HTR1F: variants seen among roughly 807,000 people sequenced by gnomAD.
The protein encoded by HTR1F is 5-hydroxytryptamine receptor 1F.
Under a neutral mutation model 24.0 loss-of-function variants are expected in HTR1F, and 17 were observed. The observed-to-expected ratio is 0.71, with a 90% CI of 0.48 to 1.06. HTR1F has a LOEUF of 1.06. Ranked by LOEUF, HTR1F falls within the 50% of genes least tolerant of loss-of-function variation. The probability of loss-of-function intolerance (pLI) is 0.00; values close to 1 mark genes in which losing one functional copy is unlikely to be tolerated. For missense variants in HTR1F, 391 were observed against 427.8 expected (o/e 0.91, Z 0.76); for synonymous variants, 186 against 156.8 (o/e 1.19, Z -1.39).
chr3:87,866,673 A>C (rs1223948141), intron 2 of HTR1F, among the ~76,000 whole-genome samples: 1 of 152,034 alleles, frequency 6.6e-6, no homozygotes, highest in Non-Finnish European at 1.5e-5. Context: ...AAACTGAAAG[A>C]CTTCAAGTGC....
chr3:87,901,863 C>G (rs772706610), intron 2 of HTR1F, among the ~76,000 whole-genome samples: 3 of 151,906 alleles, frequency 2.0e-5, no homozygotes, highest in Non-Finnish European at 4.4e-5. Context: ...CAAAAATATC[C>G]AATGCTTAGG....
intron 2 of HTR1F, among the ~76,000 whole-genome samples, chr3:87,949,304 C>A (rs1704783211): frequency 6.6e-6 from 1 of 152,196 alleles, no homozygotes; most frequent in Non-Finnish European, 1.5e-5. Context: ...ACTTCTACTT[C>A]TGGCAGCTCA....
intron 2 of HTR1F, among the ~76,000 whole-genome samples, chr3:87,940,112 T>C (rs1048542042): frequency 1.6e-4 from 24 of 152,208 alleles, no homozygotes; most frequent in Non-Finnish European, 4.4e-5. Flanking sequence ...TGCCTTAATT[T>C]TGTTATTTAC....
intron 2 of HTR1F, among the ~76,000 whole-genome samples, chr3:87,978,890 GAGGAAGGA>G (rs1184108024): frequency 0.036 from 1,674 of 45,948 alleles, 49 homozygotes; most frequent in South Asian, 0.068. Flanking sequence ...GGGAGGGAGG[GAGGAAGGA>G]AGGAAGGAAG....
intron 2 of HTR1F, among the ~76,000 whole-genome samples, chr3:87,917,734 A>G (rs778331617): frequency 1.5e-5 from 2 of 137,828 alleles, no homozygotes; most frequent in Non-Finnish European, 3.1e-5. Flanking sequence ...AATTAACAAC[A>G]ATAAAAAAAA....
chr3:87,953,277 T>C (rs1242707329), intron 2 of HTR1F, among the ~76,000 whole-genome samples: 8 of 151,396 alleles, frequency 5.3e-5, no homozygotes, highest in Non-Finnish European at 3.0e-5. Context: ...ACCTGTTGAA[T>C]GGGAGAAAAT....
chr3:87,954,464 A>G (rs1704902104), intron 2 of HTR1F, among the ~76,000 whole-genome samples: 1 of 151,762 alleles, frequency 6.6e-6, no homozygotes, highest in South Asian at 2.1e-4. Flanking sequence ...TAACTTTTAG[A>G]TTAAACCTGT....
intron 2 of HTR1F, among the ~76,000 whole-genome samples, chr3:87,942,277 G>A (rs1371735871): frequency 1.3e-5 from 2 of 152,156 alleles, no homozygotes; most frequent in South Asian, 2.1e-4. Flanking sequence ...GTGGCTGGGG[G>A]AAGTATCTAG....
At chr3:87,893,075 T>C (rs1706120259) in intron 2 of HTR1F, among the ~76,000 whole-genome samples, 1 of 152,094 alleles carries the variant, frequency 6.6e-6, no homozygotes, top group Non-Finnish European at 1.5e-5. Flanking sequence ...ATTTTTTTAA[T>C]TGTAAGGGAC....
chr3:87,957,643 T>A (rs1437860547), intron 2 of HTR1F, among the ~76,000 whole-genome samples: 2 of 151,422 alleles, frequency 1.3e-5, no homozygotes, highest in African/African-American at 4.8e-5. Flanking sequence ...TTTGCATCTT[T>A]CAAGGAATTT....
chr3:87,890,408 G>A (rs1257121816), intron 2 of HTR1F, among the ~76,000 whole-genome samples: 3 of 152,156 alleles, frequency 2.0e-5, no homozygotes, highest in Non-Finnish European at 1.5e-5. Flanking sequence ...CATGAGTAAT[G>A]TTAGAGATTA....
intron 2 of HTR1F, among the ~76,000 whole-genome samples, chr3:87,982,636 G>C (rs1171926368): frequency 6.6e-6 from 1 of 152,198 alleles, no homozygotes; most frequent in Non-Finnish European, 1.5e-5. Context: ...TTCAAGAGCC[G>C]TGGAGTGCAG....
Position 87,991,172 on chromosome 3 carries a change from C to T in HTR1F, c.423C>T (p.Gly141=), listed in dbSNP as rs1157674890. The stretch of plus-strand genomic sequence containing the variant: ...GGAAAAGGACTCCAAAGCATGCTGG[C>T]ATTATGATTACAATAGTTTGGATTA... ...YARKRTPKHA[G]IMITIVWIIS... is the part of the protein sequence containing the mutation. Residue 141 remains glycine (G), a synonymous_variant, in exon 3 of 3, where the codon GGC becomes GGT. Transcript: ENST00000319595. 1.2e-6 allele frequency: 2 copies of T among 1,613,986 alleles called. No homozygotes were observed. The highest frequency in any genetic ancestry group is 3.3e-5 in the Admixed American group (2 of 59,988).
At chr3:87,903,679 ACTGTAAACTAGTT>A (rs1199641342) in intron 2 of HTR1F, among the ~76,000 whole-genome samples, 1 of 151,992 alleles carries the variant, frequency 6.6e-6, no homozygotes, top group Non-Finnish European at 1.5e-5. Flanking sequence ...TGTTGGTGGG[ACTGTAAACTAGTT>A]CAACCCTTGT....
chr3:87,872,658 T>C (rs1268266300), intron 2 of HTR1F, among the ~76,000 whole-genome samples: 2 of 152,042 alleles, frequency 1.3e-5, no homozygotes, highest in African/African-American at 4.8e-5. Context: ...GAGACTACTA[T>C]GAACAATTAC....
chr3:87,824,899 T>C (rs1704432677), intron 2 of HTR1F, among the ~76,000 whole-genome samples: 1 of 152,178 alleles, frequency 6.6e-6, no homozygotes, highest in African/African-American at 2.4e-5. Context: ...TTTGTTTCCA[T>C]TTTGAATTTT....
chr3:87,903,205 A>C (rs1576008647), intron 2 of HTR1F, among the ~76,000 whole-genome samples: 1 of 151,698 alleles, frequency 6.6e-6, no homozygotes, highest in African/African-American at 2.4e-5. Context: ...CATTCAGGAC[A>C]TAGGCATGGG....
intron 2 of HTR1F, among the ~76,000 whole-genome samples, chr3:87,833,728 CT>C (rs1244058081): frequency 6.6e-6 from 1 of 152,070 alleles, no homozygotes; most frequent in Non-Finnish European, 1.5e-5. Context: ...TCAAGCAGTC[CT>C]CCCACCCTCA....
At chr3:87,848,325 G>A (rs1553665634) in intron 2 of HTR1F, among the ~76,000 whole-genome samples, 1 of 151,756 alleles carries the variant, frequency 6.6e-6, no homozygotes, top group Non-Finnish European at 1.5e-5. Flanking sequence ...TTTGAGAAAT[G>A]TCTATTCATG....
Sources: allele counts gnomAD v4.1 joint callset (sites outside exome capture counted in the v4.1 genomes callset), GRCh38; gene constraint gnomAD v4.1.1; transcripts MANE v1.5; gene names NCBI Gene and HGNC (gene_info 2026-07-23, HGNC 2026-07-21).